NPAS3: variants seen among roughly 807,000 people sequenced by gnomAD.
NPAS3 encodes the protein neuronal PAS domain-containing protein 3.
Under a neutral mutation model 73.1 loss-of-function variants are expected in NPAS3, and 14 were observed. That is an observed-to-expected ratio of 0.19 (90% CI 0.13 to 0.30). The LOEUF is 0.30. Ranked by LOEUF, NPAS3 falls within the 10% of genes least tolerant of loss-of-function variation. The pLI is 1.00. For synonymous variants in NPAS3, 620 were observed against 541.5 expected, an observed-to-expected ratio of 1.14 and a Z score of -2.01; for missense variants, 1,096 against 1,250.0, an observed-to-expected ratio of 0.88 and a Z score of 1.86.
At chr14:33,438,995 G>A (rs2049113948) in intron 4 of NPAS3, among the ~76,000 whole-genome samples, 1 of 151,990 alleles carries the variant, frequency 6.6e-6, no homozygotes, top group Non-Finnish European at 1.5e-5. Flanking sequence ...TCGGACATGT[G>A]AAATACATGC....
At chr14:33,089,892 C>CA (rs1382574215) in intron 2 of NPAS3, among the ~76,000 whole-genome samples, 1 of 152,132 alleles carries the variant, frequency 6.6e-6, no homozygotes, top group Non-Finnish European at 1.5e-5. Context: ...CATATCCAGC[C>CA]AAACTAAGCT....
At chr14:33,257,422 C>T (rs2048820217) in intron 3 of NPAS3, among the ~76,000 whole-genome samples, 1 of 152,090 alleles carries the variant, frequency 6.6e-6, no homozygotes, top group South Asian at 2.1e-4. Flanking sequence ...ACTTACCCTA[C>T]CATAGCATTT....
At chr14:32,938,625 C>G (rs1056664668), upstream of NPAS3, among the ~76,000 whole-genome samples, 1 of 151,702 alleles carries the variant, frequency 6.6e-6, no homozygotes, top group African/African-American at 2.4e-5. Context: ...TGGAACCCCC[C>G]GCGTGTCCTC....
rs187918347 is a variant in NPAS3, at chr14:33,474,200, T to G, written c.469-85921T>G. 2.9e-3 allele frequency among the ~76,000 whole-genome samples: 434 copies of G among 152,204 alleles called. 1 individual carries two copies. The highest frequency in any genetic ancestry group is 9.9e-3 in the African/African-American group (412 of 41,536). ...TCTGTTTGCTTCATGGGGTATAGATTGGAGGGGGAAAAGACTGTTAGAAAG... is the reference window on the plus strand; with the variant it reads ...TCTGTTTGCTTCATGGGGTATAGATGGGAGGGGGAAAAGACTGTTAGAAAG... On this transcript the variant is annotated intron_variant, in intron 4 of 11. Coordinates refer to ENST00000356141, the Ensembl canonical transcript of NPAS3.
rs186427091 is a variant in NPAS3 at position 33,142,037 on chromosome 14, C to T, written c.141-73145C>T. 2.0e-5 allele frequency among the ~76,000 whole-genome samples: 3 copies of T among 152,136 alleles called. No homozygotes were observed. In the East Asian group the frequency reaches 5.8e-4, roughly 29 times the overall value. ...TATTTTTATCACTTATTTCTTTTGC[C>T]ATTCAATGGGCTCTACCTATTTTTC... On this transcript the variant is annotated intron_variant, in intron 2 of 11. Transcript: ENST00000356141.
intron 2 of NPAS3, among the ~76,000 whole-genome samples, chr14:33,158,146 GGTA>G (rs2044715876): frequency 6.6e-6 from 1 of 152,214 alleles, no homozygotes; most frequent in African/African-American, 2.4e-5. Context: ...GTTGAGCAGT[GGTA>G]GTCCGTTAGA....
At chr14:33,341,521 C>G (rs1449008489) in intron 3 of NPAS3, among the ~76,000 whole-genome samples, 3 of 151,558 alleles carry the variant, frequency 2.0e-5, no homozygotes, top group Non-Finnish European at 4.4e-5. Flanking sequence ...TTGTAAATTA[C>G]AGAGAGGGAG....
intron 4 of NPAS3, among the ~76,000 whole-genome samples, chr14:33,487,139 C>A (rs772747783): frequency 2.6e-5 from 4 of 152,056 alleles, no homozygotes; most frequent in Non-Finnish European, 5.9e-5. Context: ...GACTTCTTGG[C>A]CAGGGAAACT....
rs918710298 is a variant in NPAS3, at chr14:33,794,654, C to A, written c.1301+610C>A. Among the ~76,000 whole-genome samples the A allele has an allele frequency of 3.4e-5, 5 of 148,102 alleles. No individual in the cohort carries two copies. The East Asian group carries it at 9.9e-4, about 29-fold the overall frequency. On this transcript the variant is annotated intron_variant, in intron 10 of 11. Coordinates refer to ENST00000356141, the Ensembl canonical transcript of NPAS3. ...CCACTGCTTTGTGATCTTTGGCAAGCTTTACTGCTCTTAAAATGTGTCCTT... is the reference window on the plus strand; with the variant it reads ...CCACTGCTTTGTGATCTTTGGCAAGATTTACTGCTCTTAAAATGTGTCCTT...
intron 3 of NPAS3, among the ~76,000 whole-genome samples, chr14:33,288,098 T>A (rs2041951977): frequency 1.3e-5 from 2 of 152,152 alleles, no homozygotes; most frequent in Non-Finnish European, 2.9e-5. Flanking sequence ...ATGAAATGGA[T>A]GTTAGTCCAG....
chr14:33,230,805 T>C (rs2047821398), intron 3 of NPAS3, among the ~76,000 whole-genome samples: 2 of 152,202 alleles, frequency 1.3e-5, no homozygotes, highest in Admixed American at 1.3e-4. Context: ...TGAAAAATGC[T>C]CAATTAAATG....
chr14:33,123,160 A>G (rs2043295507), intron 2 of NPAS3, among the ~76,000 whole-genome samples: 1 of 152,124 alleles, frequency 6.6e-6, no homozygotes, highest in Non-Finnish European at 1.5e-5. Flanking sequence ...ATAAAGAACT[A>G]TCAGAATTAG....
At chr14:32,965,644 T>C (rs1454266387) in intron 1 of NPAS3, among the ~76,000 whole-genome samples, 1 of 152,196 alleles carries the variant, frequency 6.6e-6, no homozygotes, top group Non-Finnish European at 1.5e-5. Context: ...TCTAAAAATC[T>C]GGAACAAGGC....
At chr14:33,799,737 A>ACAACGAGAACTCCAAGTC (rs1355564171) in exon 12 of NPAS3, 1 of 1,555,774 alleles carries the variant, frequency 6.4e-7, no homozygotes, top group African/African-American at 1.4e-5. Context: ...CACACAGAGG[A>ACAACGAGAACTCCAAGTC]CAACGAGAAC....
At chr14:33,734,745 A>G (rs2061482382) in intron 6 of NPAS3, among the ~76,000 whole-genome samples, 1 of 152,200 alleles carries the variant, frequency 6.6e-6, no homozygotes, top group South Asian at 2.1e-4. Flanking sequence ...CCACCTTGAT[A>G]GTAGATCCCA....
chr14:33,756,857 G>C (rs1203965698), intron 7 of NPAS3, among the ~76,000 whole-genome samples: 1 of 152,210 alleles, frequency 6.6e-6, no homozygotes, highest in Non-Finnish European at 1.5e-5. Flanking sequence ...ATCCCTGGTA[G>C]TACATACCTA....
intron 7 of NPAS3, among the ~76,000 whole-genome samples, chr14:33,750,065 T>C (rs1416250664): frequency 2.0e-5 from 3 of 152,180 alleles, no homozygotes; most frequent in Admixed American, 6.5e-5. Context: ...TGAAAATTCA[T>C]AGGCACCTGC....
At chr14:33,797,076 A>G (rs2063533907) in intron 10 of NPAS3, among the ~76,000 whole-genome samples, 1 of 152,194 alleles carries the variant, frequency 6.6e-6, no homozygotes, top group African/African-American at 2.4e-5. Context: ...TGGACTCATT[A>G]GGAGCCCAAG....
At chr14:33,733,972 A>C (rs1230652273) in intron 6 of NPAS3, among the ~76,000 whole-genome samples, 2 of 151,316 alleles carry the variant, frequency 1.3e-5, no homozygotes, top group African/African-American at 4.9e-5. Flanking sequence ...TCATCTGAGC[A>C]CCAAGTTTAA....
Sources: gnomAD v4.1 joint callset for allele counts (sites outside exome capture counted in the v4.1 genomes callset) on GRCh38, gnomAD v4.1.1 for gene constraint, MANE v1.5 for transcripts, NCBI Gene and HGNC (gene_info 2026-07-23, HGNC 2026-07-21) for gene names.